The following SGPP1 variants were observed in gnomAD, a reference collection of about 807,000 sequenced individuals.
The protein encoded by SGPP1 is sphingosine-1-phosphate phosphatase 1.
Under a neutral mutation model 33.0 loss-of-function variants are expected in SGPP1, and 21 were observed. The ratio of observed to expected loss-of-function variants is 0.64; its 90% CI spans 0.45 to 0.92. The LOEUF is 0.92. Among genes scored for constraint, SGPP1 ranks in the 40% least tolerant of loss-of-function variants. SGPP1 has a pLI of 0.00. For synonymous variants in SGPP1, 239 were observed against 241.2 expected, an observed-to-expected ratio of 0.99 and a Z score of 0.08; for missense variants, 543 against 589.4, an observed-to-expected ratio of 0.92 and a Z score of 0.81.
chr14:63,724,071 G>C (rs1289753118), intron 1 of SGPP1, among the ~76,000 whole-genome samples: 1 of 151,870 alleles, frequency 6.6e-6, no homozygotes, highest in Non-Finnish European at 1.5e-5. Flanking sequence ...GCAGAGACAG[G>C]GTCTCGCTAT....
intron 2 of SGPP1, among the ~76,000 whole-genome samples, chr14:63,689,310 T>G (rs920561071): frequency 1.3e-5 from 2 of 152,036 alleles, no homozygotes; most frequent in Non-Finnish European, 2.9e-5. Flanking sequence ...TGGGATTTTT[T>G]GTTTGTTTGT....
intron 1 of SGPP1, among the ~76,000 whole-genome samples, chr14:63,726,953 A>G (rs1043531289): frequency 4.6e-5 from 7 of 152,218 alleles, no homozygotes; most frequent in Non-Finnish European, 7.3e-5. Flanking sequence ...TACAAGAATT[A>G]AAGCCGTTTA....
At chr14:63,702,625 G>T (rs1055595554) in intron 1 of SGPP1, among the ~76,000 whole-genome samples, 1 of 152,064 alleles carries the variant, frequency 6.6e-6, no homozygotes, top group African/African-American at 2.4e-5. Flanking sequence ...CATGAGAATC[G>T]CTTGAACCTG....
intron 1 of SGPP1, among the ~76,000 whole-genome samples, chr14:63,713,077 C>A (rs1885557313): frequency 6.6e-6 from 1 of 152,122 alleles, no homozygotes; most frequent in South Asian, 2.1e-4. Flanking sequence ...TGTGTGTACT[C>A]ATTTTGCACC....
At chr14:63,687,450 A>C (rs371983702) in intron 2 of SGPP1, among the ~76,000 whole-genome samples, 2 of 152,286 alleles carry the variant, frequency 1.3e-5, no homozygotes, top group African/African-American at 2.4e-5. Context: ...ACCACATAAG[A>C]AAGCAGATAA....
intron 1 of SGPP1, among the ~76,000 whole-genome samples, chr14:63,701,813 T>A (rs1206803790): frequency 6.6e-6 from 1 of 151,768 alleles, no homozygotes; most frequent in Non-Finnish European, 1.5e-5. Flanking sequence ...GCTGTTGGTA[T>A]AATCTAGGTA....
chr14:63,694,988 T>C (rs1408822408), intron 2 of SGPP1, among the ~76,000 whole-genome samples: 1 of 152,188 alleles, frequency 6.6e-6, no homozygotes, highest in Non-Finnish European at 1.5e-5. Context: ...CTAGAGAGGC[T>C]AGTGATTTGC....
intron 2 of SGPP1, among the ~76,000 whole-genome samples, chr14:63,690,393 C>A (rs1471079381): frequency 6.6e-6 from 1 of 152,142 alleles, no homozygotes; most frequent in African/African-American, 2.4e-5. Flanking sequence ...ATGACAGGGT[C>A]CGCAGTTGCA....
intron 2 of SGPP1, among the ~76,000 whole-genome samples, chr14:63,687,958 T>C (rs1005883906): frequency 3.3e-5 from 5 of 151,966 alleles, no homozygotes; most frequent in Admixed American, 6.6e-5. Flanking sequence ...CTGTCTCTAC[T>C]AGAAATACAA....
intron 2 of SGPP1, among the ~76,000 whole-genome samples, chr14:63,695,150 G>A (rs988609374): frequency 4.6e-5 from 7 of 152,138 alleles, no homozygotes; most frequent in Admixed American, 1.3e-4. Context: ...TCCGCCTCCC[G>A]GGTTCACACC....
chr14:63,702,904 AT>A (rs1011318253), intron 1 of SGPP1, among the ~76,000 whole-genome samples: 9 of 151,188 alleles, frequency 6.0e-5, no homozygotes, highest in Non-Finnish European at 1.3e-4. Flanking sequence ...ATAAAGTGAT[AT>A]TTTTTTTTAC....
chr14:63,698,510 T>C (rs1184118120), intron 2 of SGPP1, 59 bp downstream of exon 2: 9 of 975,882 alleles, frequency 9.2e-6, no homozygotes, highest in Non-Finnish European at 1.4e-5. Flanking sequence ...TTAAAAATTA[T>C]AAAATTTCCT....
In SGPP1 at chr14:63,708,475, G is replaced by A. The variant is rs187577357; in HGVS notation, c.685-9817C>T. Among the ~76,000 whole-genome samples, 151 of 151,272 alleles carry A rather than the reference G, an allele frequency of 1.0e-3. 1 individual carries two copies. Among genetic ancestry groups the A allele is most frequent in the African/African-American group, 3.4e-3 (142 of 41,218 alleles). On this transcript the variant is annotated intron_variant, in intron 1 of 2. Coordinates refer to ENST00000247225, the MANE Select transcript of SGPP1 (RefSeq NM_030791.4). ...GATGGGGTTTTGCCATATTGGCCAGGCTTGTCTCGAACTCCTAACCTCAGA... is the reference window on the plus strand; with the variant it reads ...GATGGGGTTTTGCCATATTGGCCAGACTTGTCTCGAACTCCTAACCTCAGA...
intron 1 of SGPP1, among the ~76,000 whole-genome samples, chr14:63,716,668 G>A (rs1885634020): frequency 6.6e-6 from 1 of 151,560 alleles, no homozygotes; most frequent in South Asian, 2.1e-4. Context: ...CCCCAGCCTG[G>A]GTGACAGTGA....
chr14:63,720,002 G>T (rs950487709), intron 1 of SGPP1, among the ~76,000 whole-genome samples: 2 of 151,256 alleles, frequency 1.3e-5, no homozygotes, highest in African/African-American at 4.9e-5. Flanking sequence ...GGTAGGTGCC[G>T]GTAATCCCAG....
chr14:63,684,379 A>C lies in SGPP1; in HGVS notation c.*1726T>G, dbSNP rs1046028601. The C allele has an allele frequency of 2.6e-5, 4 of 152,080 alleles. No individual in the cohort carries two copies. Among genetic ancestry groups the C allele is most frequent in the African/African-American group, 7.2e-5 (3 of 41,452 alleles). The allele number at this position is 152,080 out of a possible 1,614,324, so 9.4% of individuals were successfully genotyped here. On this transcript the variant is annotated 3_prime_UTR_variant, in exon 3 of 3. Coordinates refer to ENST00000247225, the MANE Select transcript of SGPP1 (RefSeq NM_030791.4). ...CAAATTATGGGAAACGGTCCCTAAA[A>C]TTCAATTCATTAAACATACATTTTG...
At chr14:63,697,822 T>C (rs1162018368) in intron 2 of SGPP1, among the ~76,000 whole-genome samples, 3 of 152,342 alleles carry the variant, frequency 2.0e-5, no homozygotes, top group East Asian at 3.9e-4. Context: ...ACCCTTTGCA[T>C]TGGAGGAAAC....
chr14:63,727,571 T>G lies in SGPP1; in HGVS notation c.374A>C (p.Asn125Thr), dbSNP rs775458162. The G allele has an allele frequency of 2.5e-6, 4 of 1,601,374 alleles. No individual in the cohort carries two copies. In the East Asian group the frequency reaches 6.9e-5, roughly 28 times the overall value. ...GCAGAACAGGCAGTAGAGCGGCCAG[T>G]TGCTCACGCGGGCCAGCTGGCCCTC... ...GEEGQLARVSNWPLYCLFCFG... is the reference protein window; with the variant it reads ...GEEGQLARVSTWPLYCLFCFG... Residue 125 changes from asparagine (N) to threonine (T), a missense_variant, in exon 1 of 3, where the codon AAC becomes ACC. Physicochemically the swap from Asn to Thr is moderately conservative, Grantham distance 65. Coordinates refer to ENST00000247225, the MANE Select transcript of SGPP1 (RefSeq NM_030791.4).
At position 63,685,934 on chromosome 14, in the gene SGPP1, C is replaced by T. The variant is rs1566815478; in HGVS notation, c.*171G>A. The T allele has an allele frequency of 1.7e-5, 8 of 462,154 alleles. No individual in the cohort carries two copies. Among genetic ancestry groups the T allele is most frequent in the Admixed American group, 3.9e-5 (1 of 25,632 alleles). 28.6% of individuals were successfully genotyped at this position (462,154 alleles called of 1,614,324 possible). On this transcript the variant is annotated 3_prime_UTR_variant, in exon 3 of 3. Coordinates refer to ENST00000247225, the MANE Select transcript of SGPP1 (RefSeq NM_030791.4). ...ACGAAATAGCTCAGCTCACCTAAAA[C>T]AGTATCTGGATGTGCAATGATAAAA...
Sources: allele counts gnomAD v4.1 joint callset (sites outside exome capture counted in the v4.1 genomes callset), GRCh38; gene constraint gnomAD v4.1.1; transcripts MANE v1.5; gene names NCBI Gene and HGNC (gene_info 2026-07-23, HGNC 2026-07-21).